Variants in ACAP2 observed in about 807,000 individuals in gnomAD.
The protein encoded by ACAP2 is arf-GAP with coiled-coil, ANK repeat and PH domain-containing protein 2.
Under a neutral mutation model 115.8 loss-of-function variants are expected in ACAP2, and 39 were observed. The observed-to-expected ratio is 0.34, with a 90% CI of 0.26 to 0.44. The LOEUF (loss-of-function observed/expected upper bound fraction) is 0.44, where lower values mean the gene tolerates loss of function less well. Ranked by LOEUF, ACAP2 falls within the 20% of genes least tolerant of loss-of-function variation. ACAP2 has a pLI of 1.00. For missense variants in ACAP2, 662 were observed against 927.6 expected (o/e 0.71, Z 3.72); for synonymous variants, 289 against 315.8 (o/e 0.92, Z 0.90).
intron 9 of ACAP2, among the ~76,000 whole-genome samples, chr3:195,324,000 G>GT (rs1227189222): frequency 1.3e-5 from 2 of 152,074 alleles, no homozygotes; most frequent in African/African-American, 4.8e-5. Context: ...TTGCATGCCT[G>GT]TATCAAAATA....
intron 1 of ACAP2, among the ~76,000 whole-genome samples, chr3:195,394,484 A>C (rs1711575557): frequency 1.3e-5 from 2 of 152,214 alleles, no homozygotes; most frequent in Non-Finnish European, 2.9e-5. Flanking sequence ...TTCACTGTGC[A>C]ATTCTACTAA....
chr3:195,334,974 T>C (rs1269949034), intron 7 of ACAP2, among the ~76,000 whole-genome samples: 2 of 152,196 alleles, frequency 1.3e-5, no homozygotes, highest in East Asian at 1.9e-4. Context: ...TCCTTCAAGG[T>C]CAGTAAACTA....
At chr3:195,328,764 G>T (rs1460311864) in intron 8 of ACAP2, among the ~76,000 whole-genome samples, 1 of 152,194 alleles carries the variant, frequency 6.6e-6, no homozygotes, top group Admixed American at 6.5e-5. Context: ...GTAGGTGATG[G>T]TCTTCTGCCT....
chr3:195,363,648 A>ACACAC (rs1560288912), intron 4 of ACAP2, among the ~76,000 whole-genome samples: 65 of 82,694 alleles, frequency 7.9e-4, no homozygotes, highest in African/African-American at 2.9e-3. Context: ...CACACACACA[A>ACACAC]AAACAGAATA....
At chr3:195,320,593 G>A (rs1236627193) in intron 10 of ACAP2, 108 bp downstream of exon 10, 1 of 674,530 alleles carries the variant, frequency 1.5e-6, no homozygotes. Context: ...AGTTTCTATG[G>A]AATTTACAGA....
chr3:195,395,473 TTC>T (rs1015945049), intron 1 of ACAP2, among the ~76,000 whole-genome samples: 3 of 152,214 alleles, frequency 2.0e-5, no homozygotes, highest in Non-Finnish European at 4.4e-5. Context: ...CTAAAAATAG[TTC>T]TTACATTTTT....
At chr3:195,387,381 C>T (rs962885383) in intron 2 of ACAP2, among the ~76,000 whole-genome samples, 2 of 152,162 alleles carry the variant, frequency 1.3e-5, no homozygotes, top group East Asian at 3.8e-4. Context: ...TGCTGACTAT[C>T]CTTGAGTAAC....
intron 1 of ACAP2, among the ~76,000 whole-genome samples, chr3:195,396,970 T>C (rs1158300979): frequency 6.6e-6 from 1 of 151,186 alleles, no homozygotes; most frequent in East Asian, 1.9e-4. Flanking sequence ...GGTGATGCAA[T>C]CTAAATTGCC....
intron 9 of ACAP2, 124 bp downstream of exon 9, chr3:195,326,761 A>T (rs1213984126): frequency 1.3e-6 from 1 of 771,358 alleles, no homozygotes; most frequent in African/African-American, 1.7e-5. Context: ...CAAAAGAGGA[A>T]TTTATCTGCA....
intron 4 of ACAP2, among the ~76,000 whole-genome samples, chr3:195,348,777 A>G (rs908771775): frequency 3.9e-5 from 6 of 152,188 alleles, no homozygotes; most frequent in African/African-American, 1.4e-4. Flanking sequence ...CCTGATTTTT[A>G]AAAACTCTCA....
Position 195,278,526 on chromosome 3 carries a change from C to A in ACAP2, c.*802G>T, listed in dbSNP as rs1025133577. 2.0e-5 allele frequency: 3 copies of A among 151,752 alleles called. No homozygotes were observed. Among genetic ancestry groups the A allele is most frequent in the Admixed American group, 2.0e-4 (3 of 15,246 alleles). The allele number at this position is 151,752 out of a possible 1,614,324, so 9.4% of individuals were successfully genotyped here. A position where few individuals can be genotyped will look rare whatever the true frequency, so the allele number is the denominator to read the frequency against. On this transcript the variant is annotated 3_prime_UTR_variant, in exon 23 of 23. Coordinates refer to ENST00000326793, the MANE Select transcript of ACAP2 (RefSeq NM_012287.6). Reference sequence around the variant, plus strand: ...TGTGACATTCAAGTAACCTTTAAAACATACTTTTATTCCATCGATACATCT... The same window carrying A: ...TGTGACATTCAAGTAACCTTTAAAAAATACTTTTATTCCATCGATACATCT...
chr3:195,319,971 T>C (rs1729342986), intron 10 of ACAP2, among the ~76,000 whole-genome samples: 1 of 151,978 alleles, frequency 6.6e-6, no homozygotes. Flanking sequence ...TGGTGGGAGG[T>C]GACTGGGTCA....
chr3:195,424,142 C>G (rs934881094), intron 1 of ACAP2, among the ~76,000 whole-genome samples: 1 of 150,756 alleles, frequency 6.6e-6, no homozygotes, highest in Non-Finnish European at 1.5e-5. Flanking sequence ...TAGTTGTGTT[C>G]TCTGTCCCCT....
intron 8 of ACAP2, among the ~76,000 whole-genome samples, chr3:195,328,459 T>C (rs1362882846): frequency 6.6e-6 from 1 of 152,154 alleles, no homozygotes; most frequent in East Asian, 1.9e-4. Flanking sequence ...ATCACTATTA[T>C]AAAGTACGTG....
intron 22 of ACAP2, chr3:195,285,362 C>A (rs1205443385): frequency 6.5e-6 from 1 of 152,892 alleles, no homozygotes; most frequent in Non-Finnish European, 1.5e-5. Context: ...TATAGAAATT[C>A]CCTGAATAAC....
chr3:195,385,505 G>A (rs1734243203), intron 2 of ACAP2, among the ~76,000 whole-genome samples: 1 of 151,762 alleles, frequency 6.6e-6, no homozygotes, highest in South Asian at 2.1e-4. Flanking sequence ...CATAGAAAAA[G>A]GGATACTTTT....
chr3:195,309,514 T>C (rs12485433), intron 10 of ACAP2, among the ~76,000 whole-genome samples: 3,277 of 150,108 alleles, frequency 0.022, 117 homozygotes, highest in East Asian at 0.11. Context: ...CCATTGCACT[T>C]CAGCCTGGGC....
intron 4 of ACAP2, among the ~76,000 whole-genome samples, chr3:195,348,726 A>G (rs1460294845): frequency 2.0e-5 from 3 of 152,238 alleles, no homozygotes; most frequent in East Asian, 3.8e-4. Flanking sequence ...AACAAACTGT[A>G]TGACAGACAC....
intron 1 of ACAP2, among the ~76,000 whole-genome samples, chr3:195,401,755 C>A (rs1712320711): frequency 6.6e-6 from 1 of 152,144 alleles, no homozygotes; most frequent in Non-Finnish European, 1.5e-5. Flanking sequence ...ATCACAGAAT[C>A]TTGAATGGGG....
Sources: gnomAD v4.1 joint callset for allele counts (sites outside exome capture counted in the v4.1 genomes callset) on GRCh38, gnomAD v4.1.1 for gene constraint, MANE v1.5 for transcripts, NCBI Gene and HGNC (gene_info 2026-07-23, HGNC 2026-07-21) for gene names.